The following CTNNA2 variants were observed in gnomAD, a reference collection of about 807,000 sequenced individuals.
The protein encoded by CTNNA2 is catenin alpha-2.
In CTNNA2, 42 loss-of-function variants were observed where a neutral mutation model predicts 101.0. The ratio of observed to expected loss-of-function variants is 0.42; its 90% CI spans 0.32 to 0.54. The LOEUF (loss-of-function observed/expected upper bound fraction) is 0.54. Ranked by LOEUF, CTNNA2 falls within the 20% of genes least tolerant of loss-of-function variation. The probability of loss-of-function intolerance (pLI) is 0.14; values close to 1 mark genes in which losing one functional copy is unlikely to be tolerated. For synonymous variants in CTNNA2, 450 were observed against 456.4 expected (o/e 0.99, Z 0.18); for missense variants, 871 against 1,223.1 (o/e 0.71, Z 4.29).
At chr2:79,436,202 A>G (rs1678711559) in intron 4 of CTNNA2, among the ~76,000 whole-genome samples, 1 of 152,222 alleles carries the variant, frequency 6.6e-6, no homozygotes, top group Non-Finnish European at 1.5e-5. Flanking sequence ...CTGAAATGGT[A>G]GAACTTGGAG....
intron 7 of CTNNA2, among the ~76,000 whole-genome samples, chr2:79,989,626 G>A (rs1328597024): frequency 6.6e-6 from 1 of 152,130 alleles, no homozygotes; most frequent in East Asian, 1.9e-4. Context: ...GGGCAACAGA[G>A]TGAGACCCTG....
intron 7 of CTNNA2, chr2:80,313,534 G>C (rs756091288): frequency 6.2e-7 from 1 of 1,607,072 alleles, no homozygotes; most frequent in South Asian, 1.1e-5. Context: ...AGCAAGACCA[G>C]GTAGAGGAAG....
intron 13 of CTNNA2, among the ~76,000 whole-genome samples, chr2:80,580,443 C>G (rs1178395067): frequency 1.3e-5 from 2 of 152,102 alleles, no homozygotes; most frequent in Non-Finnish European, 2.9e-5. Flanking sequence ...ACAACAAAAA[C>G]TAATAATGAG....
chr2:79,735,087 G>A (rs544907286), intron 2 of CTNNA2, among the ~76,000 whole-genome samples: 2 of 152,232 alleles, frequency 1.3e-5, no homozygotes, highest in African/African-American at 4.8e-5. Context: ...GGTGGTGAGA[G>A]AGAGATGGAC....
At chr2:80,360,085 T>C (rs555498882) in intron 7 of CTNNA2, among the ~76,000 whole-genome samples, 2 of 152,290 alleles carry the variant, frequency 1.3e-5, no homozygotes, top group Non-Finnish European at 2.9e-5. Context: ...GTTTCTAATG[T>C]AGTGGTCTTA....
chr2:80,553,680 G>A (rs1435356119), intron 11 of CTNNA2, among the ~76,000 whole-genome samples: 3 of 152,078 alleles, frequency 2.0e-5, no homozygotes, highest in South Asian at 2.1e-4. Flanking sequence ...AATAGCAGCC[G>A]GATGTGTGAT....
intron 7 of CTNNA2, among the ~76,000 whole-genome samples, chr2:80,213,701 G>T (rs953233922): frequency 9.2e-5 from 14 of 152,242 alleles, no homozygotes; most frequent in Admixed American, 6.5e-4. Flanking sequence ...CTGATTTGGG[G>T]TGGAGAGTTC....
chr2:80,015,505 A>G (rs1694080792), intron 7 of CTNNA2, among the ~76,000 whole-genome samples: 1 of 152,016 alleles, frequency 6.6e-6, no homozygotes, highest in African/African-American at 2.4e-5. Flanking sequence ...TTGTTTCTCC[A>G]TTATCCATAG....
At chr2:79,358,501 A>G (rs1209690776) in intron 3 of CTNNA2, among the ~76,000 whole-genome samples, 1 of 152,136 alleles carries the variant, frequency 6.6e-6, no homozygotes, top group Non-Finnish European at 1.5e-5. Flanking sequence ...CGCCTGGCCA[A>G]GTGGGATCTT....
intron 3 of CTNNA2, among the ~76,000 whole-genome samples, chr2:79,816,675 T>C (rs1558955048): frequency 1.3e-5 from 2 of 152,178 alleles, no homozygotes; most frequent in Admixed American, 6.5e-5. Flanking sequence ...TGACCACAGG[T>C]AGCTCCACAC....
chr2:79,811,527 C>T (rs1677037669), intron 3 of CTNNA2, among the ~76,000 whole-genome samples: 1 of 152,052 alleles, frequency 6.6e-6, no homozygotes, highest in South Asian at 2.1e-4. Flanking sequence ...TTCTAAAAGT[C>T]AATTGATCAT....
intron 3 of CTNNA2, among the ~76,000 whole-genome samples, chr2:79,789,766 C>A (rs964269935): frequency 3.3e-5 from 5 of 151,942 alleles, no homozygotes; most frequent in Non-Finnish European, 7.4e-5. Flanking sequence ...TGTCCAGGGG[C>A]CCCTCATCAA....
At chr2:80,542,302 CTA>C (rs748931450) in intron 9 of CTNNA2, among the ~76,000 whole-genome samples, 1 of 152,042 alleles carries the variant, frequency 6.6e-6, no homozygotes, top group East Asian at 1.9e-4. Flanking sequence ...CAAATGAGAT[CTA>C]TGTCTTTTTT....
At chr2:80,313,014 C>T (rs554300191) in intron 7 of CTNNA2, among the ~76,000 whole-genome samples, 2 of 152,328 alleles carry the variant, frequency 1.3e-5, no homozygotes, top group Admixed American at 6.5e-5. Flanking sequence ...CTTGCCTAAT[C>T]AATAGCCTGT....
chr2:80,237,285 T>C (rs1363694490), intron 7 of CTNNA2, among the ~76,000 whole-genome samples: 3 of 152,188 alleles, frequency 2.0e-5, no homozygotes, highest in Non-Finnish European at 4.4e-5. Flanking sequence ...GCTAAAAAAT[T>C]GAATAATGTG....
At chr2:79,218,334 TGTGTGTGTGTGTGTGTA>T (rs1424519389) in intron 2 of CTNNA2, among the ~76,000 whole-genome samples, 8 of 82,228 alleles carry the variant, frequency 9.7e-5, no homozygotes, top group African/African-American at 3.1e-4. Context: ...TGTGTGTGTG[TGTGTGTGTGTGTGTGTA>T]TTTTTTTTTT....
chr2:80,072,555 G>A (rs963339788), intron 7 of CTNNA2, among the ~76,000 whole-genome samples: 8 of 152,138 alleles, frequency 5.3e-5, no homozygotes, highest in Admixed American at 2.6e-4. Flanking sequence ...AATACATAGA[G>A]TAACTTCATT....
intron 9 of CTNNA2, among the ~76,000 whole-genome samples, chr2:80,440,285 G>T (rs1163445232): frequency 2.0e-5 from 3 of 152,272 alleles, no homozygotes; most frequent in Non-Finnish European, 4.4e-5. Flanking sequence ...GGGGTGATTA[G>T]AAAGAACAAT....
chr2:79,807,486 A>G (rs900676833), intron 3 of CTNNA2, among the ~76,000 whole-genome samples: 1 of 152,184 alleles, frequency 6.6e-6, no homozygotes, highest in African/African-American at 2.4e-5. Flanking sequence ...AAAATAGTTT[A>G]AACTGTTCCT....
Sources: allele counts gnomAD v4.1 joint callset (sites outside exome capture counted in the v4.1 genomes callset), GRCh38; gene constraint gnomAD v4.1.1; transcripts MANE v1.5; gene names NCBI Gene and HGNC (gene_info 2026-07-23, HGNC 2026-07-21).